The following CUL2 variants were observed in gnomAD, a reference collection of about 807,000 sequenced individuals.
CUL2 encodes cullin-2.
A neutral mutation model predicts 110.2 loss-of-function variants in CUL2; 22 were observed. The observed-to-expected ratio is 0.20, with a 90% confidence interval of 0.14 to 0.28. CUL2 has a LOEUF of 0.28. CUL2 is among the 10% of genes least tolerant of loss of function. The pLI, the probability that CUL2 is intolerant of heterozygous loss-of-function variation, is 1.00. For synonymous variants in CUL2, 279 were observed against 293.2 expected (o/e 0.95, Z 0.49); for missense variants, 631 against 905.5 (o/e 0.70, Z 3.89).
intron 14 of CUL2, among the ~76,000 whole-genome samples, chr10:35,030,204 G>A (rs1278819206): frequency 1.3e-5 from 2 of 152,082 alleles, no homozygotes; most frequent in African/African-American, 4.8e-5. Context: ...ATGATTACTG[G>A]GAATACTCCA....
At chr10:35,078,268 AT>A (rs1438604702) in intron 1 of CUL2, among the ~76,000 whole-genome samples, 1 of 152,060 alleles carries the variant, frequency 6.6e-6, no homozygotes, top group Non-Finnish European at 1.5e-5. Flanking sequence ...GAAATAAAAA[AT>A]ATATATGTTT....
At chr10:35,037,707 G>A (rs1588979572) in intron 9 of CUL2, among the ~76,000 whole-genome samples, 1 of 152,002 alleles carries the variant, frequency 6.6e-6, no homozygotes, top group Admixed American at 6.6e-5. Flanking sequence ...GCCAGGTGTG[G>A]GGGCGGATGC....
intron 1 of CUL2, among the ~76,000 whole-genome samples, chr10:35,089,103 A>G (rs758560263): frequency 1.3e-5 from 2 of 152,112 alleles, no homozygotes; most frequent in Non-Finnish European, 2.9e-5. Flanking sequence ...TGAACCCGGG[A>G]GGCGGAGGTT....
intron 1 of CUL2, among the ~76,000 whole-genome samples, chr10:35,084,796 G>A (rs1401882766): frequency 6.6e-6 from 1 of 152,000 alleles, no homozygotes; most frequent in East Asian, 1.9e-4. Flanking sequence ...AAGATTCTAG[G>A]GCTGATCCTG....
upstream of CUL2, chr10:35,126,723 C>T (rs1342734072): frequency 6.5e-6 from 1 of 152,758 alleles, no homozygotes. Flanking sequence ...CCCGCCCCTA[C>T]CTTCCGCCCC....
chr10:35,069,032 C>G (rs1157595417), intron 2 of CUL2, among the ~76,000 whole-genome samples: 1 of 152,072 alleles, frequency 6.6e-6, no homozygotes, highest in Non-Finnish European at 1.5e-5. Context: ...CCACGCCCAG[C>G]TAATTTTTGT....
intron 1 of CUL2, among the ~76,000 whole-genome samples, chr10:35,071,772 A>T (rs1439179637): frequency 6.6e-6 from 1 of 152,156 alleles, no homozygotes; most frequent in Non-Finnish European, 1.5e-5. Context: ...TGAGAAAAGA[A>T]CCCGGCACAC....
At chr10:35,044,513 A>G (rs2085884788) in intron 8 of CUL2, 53 bp downstream of exon 8, 1 of 1,179,806 alleles carries the variant, frequency 8.5e-7, no homozygotes, top group South Asian at 1.5e-5. Flanking sequence ...TGTTAAATAA[A>G]ACCAGGCCAG....
chr10:35,106,170 C>A (rs1231023243), intron 1 of CUL2, among the ~76,000 whole-genome samples: 1 of 152,150 alleles, frequency 6.6e-6, no homozygotes, highest in Non-Finnish European at 1.5e-5. Context: ...AAAGAGTTCC[C>A]AGAGAGCTCC....
chr10:35,072,429 C>T (rs1160575844), intron 1 of CUL2, among the ~76,000 whole-genome samples: 4 of 150,800 alleles, frequency 2.7e-5, no homozygotes, highest in Non-Finnish European at 4.4e-5. Context: ...AGTGCAGTGG[C>T]GCAATCTCGG....
At chr10:35,063,335 G>A (rs1374190664) in intron 2 of CUL2, among the ~76,000 whole-genome samples, 3 of 152,134 alleles carry the variant, frequency 2.0e-5, no homozygotes, top group African/African-American at 7.2e-5. Flanking sequence ...TTAAAATCCA[G>A]AGGGAGTTTC....
chr10:35,120,445 G>C (rs921474275), intron 1 of CUL2: 6 of 152,116 alleles, frequency 3.9e-5, no homozygotes, highest in Non-Finnish European at 7.4e-5. Flanking sequence ...TCTAGTCTCT[G>C]TTATAAAAAG....
At chr10:35,064,632 CATTT>C (rs2086470060) in intron 2 of CUL2, among the ~76,000 whole-genome samples, 1 of 152,162 alleles carries the variant, frequency 6.6e-6, no homozygotes, top group African/African-American at 2.4e-5. Context: ...GCCCTCTCCA[CATTT>C]ATTTACTTAC....
chr10:35,054,603 C>T, intron 4 of CUL2, 64 bp from the exon 5 acceptor site: 1 of 784,286 alleles, frequency 1.3e-6, no homozygotes, highest in Non-Finnish European at 2.1e-6. Context: ...AAATGACTTG[C>T]AACTTTAGAA....
intron 1 of CUL2, among the ~76,000 whole-genome samples, chr10:35,106,254 C>T (rs1041913048): frequency 1.3e-5 from 2 of 151,984 alleles, no homozygotes; most frequent in Non-Finnish European, 2.9e-5. Context: ...CTTCACCAGA[C>T]ACACCTTGAT....
intron 1 of CUL2, among the ~76,000 whole-genome samples, chr10:35,073,474 A>C (rs1383338151): frequency 6.6e-6 from 1 of 152,164 alleles, no homozygotes; most frequent in Admixed American, 6.5e-5. Context: ...TAATATTTAC[A>C]TTGTGTATAC....
At chr10:35,095,322 CA>C (rs528275472), upstream of CUL2, among the ~76,000 whole-genome samples, 4,982 of 102,830 alleles carry the variant, frequency 0.048, 234 homozygotes, top group African/African-American at 0.15. Flanking sequence ...GACTCCATCT[CA>C]AAAAAAAAAA....
chr10:35,106,824 T>C (rs562201680), intron 1 of CUL2, among the ~76,000 whole-genome samples: 2 of 152,244 alleles, frequency 1.3e-5, no homozygotes, highest in African/African-American at 4.8e-5. Context: ...ACTTTGAAAG[T>C]AGGCTGAAGG....
chr10:35,126,679 G>GCGGCA (rs1330606091), upstream of CUL2: 4 of 152,712 alleles, frequency 2.6e-5, no homozygotes, highest in African/African-American at 4.8e-5. Flanking sequence ...CACGCGCGGC[G>GCGGCA]CGGCACGGGC....
Sources: allele counts gnomAD v4.1 joint callset (sites outside exome capture counted in the v4.1 genomes callset), GRCh38; gene constraint gnomAD v4.1.1; transcripts MANE v1.5; gene names NCBI Gene and HGNC (gene_info 2026-07-23, HGNC 2026-07-21).